The following SGCD variants were observed in gnomAD, a reference collection of about 807,000 sequenced individuals.
SGCD encodes delta-sarcoglycan.
Under a neutral mutation model 36.6 loss-of-function variants are expected in SGCD, and 18 were observed. The ratio of observed to expected loss-of-function variants is 0.49; its 90% CI spans 0.34 to 0.73. The LOEUF is 0.73. Ranked by LOEUF, SGCD falls within the 30% of genes least tolerant of loss-of-function variation. SGCD has a pLI of 0.01. For missense variants in SGCD, 387 were observed against 346.7 expected, an observed-to-expected ratio of 1.12 and a Z score of -0.92; for synonymous variants, 133 against 130.6, an observed-to-expected ratio of 1.02 and a Z score of -0.12.
intron 3 of SGCD, among the ~76,000 whole-genome samples, chr5:156,302,406 T>C (rs1472716554): frequency 6.6e-6 from 1 of 152,122 alleles, no homozygotes; most frequent in East Asian, 1.9e-4. Context: ...GCTGGGACTC[T>C]GAATTTCTTC....
At chr5:156,562,183 G>A (rs1759291337) in intron 4 of SGCD, among the ~76,000 whole-genome samples, 1 of 152,168 alleles carries the variant, frequency 6.6e-6, no homozygotes, top group Non-Finnish European at 1.5e-5. Flanking sequence ...AATAACCATA[G>A]CAAAGTAAGT....
At chr5:156,113,018 T>G (rs1761824279) in intron 1 of SGCD, among the ~76,000 whole-genome samples, 1 of 152,236 alleles carries the variant, frequency 6.6e-6, no homozygotes, top group Non-Finnish European at 1.5e-5. Context: ...TCAGCTTATG[T>G]GCATTTAATT....
intron 6 of SGCD, among the ~76,000 whole-genome samples, chr5:156,645,816 T>A (rs1258763931): frequency 1.3e-5 from 2 of 152,160 alleles, no homozygotes; most frequent in Non-Finnish European, 2.9e-5. Flanking sequence ...GTACTGTTTC[T>A]AGTTCATAGA....
At position 156,045,375 on chromosome 5, in the gene SGCD, C is replaced by T. The variant is rs144978237; in HGVS notation, c.-281-72503C>T. ...CTGTGCATTTTCCTTCTATAATCTA[C>T]ACTTTTCCGTTCCAATATATTTTTA... is the stretch of plus-strand genomic sequence containing the variant. On this transcript the variant is annotated intron_variant, in intron 1 of 9. Transcript: ENST00000517913. 3.3e-3 allele frequency among the ~76,000 whole-genome samples: 501 copies of T among 152,258 alleles called. 4 individuals carry two copies. Among genetic ancestry groups the T allele is most frequent in the African/African-American group, 0.011 (477 of 41,564 alleles).
the SGCD span, among the ~76,000 whole-genome samples, chr5:155,813,793 T>A: frequency 2.6e-5 from 4 of 152,204 alleles, no homozygotes; most frequent in Admixed American, 2.6e-4. Context: ...TGAATGTTAG[T>A]TGCAATATAA....
chr5:156,199,632 C>T (rs1764096477), intron 3 of SGCD, among the ~76,000 whole-genome samples: 1 of 152,106 alleles, frequency 6.6e-6, no homozygotes, highest in Admixed American at 6.6e-5. Context: ...ACTACTTCTT[C>T]TTGCCTTGAT....
At chr5:156,148,519 T>C (rs763595415) in intron 3 of SGCD, among the ~76,000 whole-genome samples, 7 of 152,224 alleles carry the variant, frequency 4.6e-5, no homozygotes, top group Non-Finnish European at 1.0e-4. Flanking sequence ...TTGACTTCTG[T>C]TGATGTAACT....
chr5:156,619,840 G>A (rs928218992), intron 6 of SGCD, among the ~76,000 whole-genome samples: 2 of 152,116 alleles, frequency 1.3e-5, no homozygotes, highest in Admixed American at 6.5e-5. Flanking sequence ...ATTCTCTTAC[G>A]CTCCTTATGC....
the SGCD span, among the ~76,000 whole-genome samples, chr5:155,736,879 C>T: frequency 2.3e-3 from 344 of 152,126 alleles, 1 homozygote; most frequent in African/African-American, 5.0e-3. Context: ...AAAATAACGA[C>T]GGGATTAACC....
the SGCD span, among the ~76,000 whole-genome samples, chr5:155,799,677 G>A: frequency 6.0e-4 from 91 of 151,614 alleles, no homozygotes; most frequent in African/African-American, 2.1e-3. Context: ...TTATGGGCGT[G>A]AGCCACTATG....
At chr5:156,646,777 C>T (rs1381449897) in intron 6 of SGCD, among the ~76,000 whole-genome samples, 4 of 152,126 alleles carry the variant, frequency 2.6e-5, no homozygotes, top group Non-Finnish European at 5.9e-5. Flanking sequence ...GCAGACAAAT[C>T]AGATAATTGC....
chr5:156,562,928 TAA>T (rs1296945074), intron 4 of SGCD, among the ~76,000 whole-genome samples: 1 of 152,042 alleles, frequency 6.6e-6, no homozygotes, highest in Non-Finnish European at 1.5e-5. Context: ...AATATTTACC[TAA>T]TTAAATTAAG....
the SGCD span, among the ~76,000 whole-genome samples, chr5:155,841,055 GTGT>G: frequency 6.9e-6 from 1 of 144,898 alleles, no homozygotes; most frequent in Non-Finnish European, 1.5e-5. Flanking sequence ...GGGGCACTGG[GTGT>G]GCTTATTGCT....
the SGCD span, among the ~76,000 whole-genome samples, chr5:155,811,889 A>ACATTTGTATGTAGAAGTACAGTG: frequency 2.0e-5 from 3 of 152,280 alleles, no homozygotes; most frequent in South Asian, 2.1e-4. Context: ...CTTTAACATA[A>ACATTTGTATGTAGAAGTACAGTG]CATTTGTATG....
rs139708981 is a variant in SGCD, at chr5:156,330,560, A to G, written c.3+981A>G. Among the ~76,000 whole-genome samples, 7 of 152,180 alleles carry G rather than the reference A, an allele frequency of 4.6e-5. No individual in the cohort carries two copies. The East Asian group carries it at 1.4e-3, about 29-fold the overall frequency. The stretch of plus-strand genomic sequence containing the variant: ...GTCTCCCTTAAGGCTGGGTGTCTTG[A>G]GTCATTTCACCCATTTCTCCATCTT... On this transcript the variant is annotated intron_variant, in intron 2 of 8. Transcript: ENST00000337851.
chr5:155,888,720 A>G (rs1756060624), intron 1 of SGCD, among the ~76,000 whole-genome samples: 1 of 152,210 alleles, frequency 6.6e-6, no homozygotes, highest in African/African-American at 2.4e-5. Flanking sequence ...TCTTAGAAGT[A>G]AAGAAAAGGC....
At chr5:156,573,836 A>T in intron 4 of SGCD, among the ~76,000 whole-genome samples, 1 of 151,954 alleles carries the variant, frequency 6.6e-6, no homozygotes, top group East Asian at 1.9e-4. Flanking sequence ...TAGGACTATA[A>T]GCACATGTCA....
At chr5:155,953,979 G>A (rs1013151270) in intron 1 of SGCD, among the ~76,000 whole-genome samples, 2 of 152,166 alleles carry the variant, frequency 1.3e-5, no homozygotes, top group Non-Finnish European at 2.9e-5. Flanking sequence ...TCACTGACTA[G>A]CTGGTGCCCC....
intron 1 of SGCD, among the ~76,000 whole-genome samples, chr5:155,940,961 A>C (rs1757312129): frequency 6.6e-6 from 1 of 152,158 alleles, no homozygotes; most frequent in African/African-American, 2.4e-5. Flanking sequence ...GTGTTGTTAT[A>C]GCTGAATACC....
Sources: gnomAD v4.1 joint callset for allele counts (sites outside exome capture counted in the v4.1 genomes callset) on GRCh38, gnomAD v4.1.1 for gene constraint, MANE v1.5 for transcripts, NCBI Gene and HGNC (gene_info 2026-07-23, HGNC 2026-07-21) for gene names.